TSPAN5: variants seen among roughly 807,000 people sequenced by gnomAD.
The protein encoded by TSPAN5 is tetraspanin-5.
TSPAN5 carries 10 observed loss-of-function variants against 37.1 expected under a neutral mutation model. The observed-to-expected ratio is 0.27, with a 90% CI of 0.17 to 0.46. The LOEUF (loss-of-function observed/expected upper bound fraction) is 0.46. TSPAN5 is among the 20% of genes least tolerant of loss of function. TSPAN5 has a pLI of 1.00. For synonymous variants in TSPAN5, 110 were observed against 118.9 expected (o/e 0.93, Z 0.48); for missense variants, 195 against 326.6 (o/e 0.60, Z 3.11).
chr4:98,658,289 C>A lies in TSPAN5; in HGVS notation c.-63G>T. On this transcript the variant is annotated 5_prime_UTR_variant, in exon 1 of 8. Transcript: ENST00000305798. ...AGTTTGGAGCTCCGAAGCACCGTTG[C>A]TCGGAGCAGCCCGGCGGGGAGCAGG... 7.3e-7 allele frequency: 1 copy of A among 1,361,366 alleles called. No homozygotes were observed. The highest frequency in any genetic ancestry group is 1.1e-6 in the Non-Finnish European group (1 of 949,826). 84.3% of individuals were successfully genotyped at this position (1,361,366 alleles called of 1,614,324 possible).
intron 2 of TSPAN5, among the ~76,000 whole-genome samples, chr4:98,500,759 C>A (rs968966166): frequency 2.4e-4 from 37 of 152,172 alleles, no homozygotes; most frequent in African/African-American, 8.4e-4. Flanking sequence ...GGCTTAGTCA[C>A]AAACAGCTTC....
intron 2 of TSPAN5, chr4:98,496,587 A>AGGTC (rs1032921276): frequency 6.6e-6 from 1 of 152,198 alleles, no homozygotes; most frequent in Admixed American, 6.5e-5. Flanking sequence ...GTCATCTTTT[A>AGGTC]GGTCTCCATA....
intron 2 of TSPAN5, among the ~76,000 whole-genome samples, chr4:98,504,412 C>T (rs1192201975): frequency 6.6e-6 from 1 of 151,432 alleles, no homozygotes; most frequent in African/African-American, 2.4e-5. Context: ...AGAGAGCAGT[C>T]TCTGCAGTTA....
At chr4:98,508,754 G>C (rs1753532939) in intron 1 of TSPAN5, among the ~76,000 whole-genome samples, 1 of 151,842 alleles carries the variant, frequency 6.6e-6, no homozygotes, top group Non-Finnish European at 1.5e-5. Context: ...CACACTACTG[G>C]GCTCAAGCAA....
chr4:98,520,754 C>T (rs1194238107), intron 1 of TSPAN5, among the ~76,000 whole-genome samples: 1 of 152,172 alleles, frequency 6.6e-6, no homozygotes, highest in Admixed American at 6.5e-5. Context: ...TAAAATACCA[C>T]CTTTTATCCA....
At chr4:98,489,199 G>A (rs1318838143) in intron 2 of TSPAN5, among the ~76,000 whole-genome samples, 1 of 152,166 alleles carries the variant, frequency 6.6e-6, no homozygotes, top group Non-Finnish European at 1.5e-5. Flanking sequence ...TTCTAATACT[G>A]AGAGACAGGA....
chr4:98,531,221 C>A (rs1434373331), intron 1 of TSPAN5, among the ~76,000 whole-genome samples: 1 of 152,118 alleles, frequency 6.6e-6, no homozygotes, highest in Admixed American at 6.5e-5. Context: ...CCCTCCCCTA[C>A]CCCCTACCCC....
At chr4:98,508,522 C>CTTTTTTTT (rs34342433) in intron 1 of TSPAN5, among the ~76,000 whole-genome samples, 12 of 121,900 alleles carry the variant, frequency 9.8e-5, no homozygotes, top group East Asian at 2.5e-4. Context: ...TACTGTTTTT[C>CTTTTTTTT]TTTTTTTTTT....
chr4:98,556,978 G>A (rs1430949754), intron 1 of TSPAN5, among the ~76,000 whole-genome samples: 1 of 152,084 alleles, frequency 6.6e-6, no homozygotes, highest in Non-Finnish European at 1.5e-5. Context: ...GAGCCAAGAA[G>A]CCAAATGACC....
chr4:98,571,019 A>G (rs571075594), intron 1 of TSPAN5, among the ~76,000 whole-genome samples: 1 of 152,178 alleles, frequency 6.6e-6, no homozygotes, highest in African/African-American at 2.4e-5. Flanking sequence ...CTCAAAAAAA[A>G]AAAGAAATCC....
At chr4:98,558,597 A>T (rs950803083) in intron 1 of TSPAN5, among the ~76,000 whole-genome samples, 1 of 152,232 alleles carries the variant, frequency 6.6e-6, no homozygotes, top group African/African-American at 2.4e-5. Flanking sequence ...TGATTAACAT[A>T]TGTAGAGTTC....
chr4:98,528,421 T>TA (rs1754010603), intron 1 of TSPAN5, among the ~76,000 whole-genome samples: 1 of 152,040 alleles, frequency 6.6e-6, no homozygotes, highest in Admixed American at 6.6e-5. Context: ...ATGATTTTTT[T>TA]TTTTTTTTTT....
At chr4:98,563,055 A>G (rs1754914812) in intron 1 of TSPAN5, among the ~76,000 whole-genome samples, 1 of 152,176 alleles carries the variant, frequency 6.6e-6, no homozygotes, top group South Asian at 2.1e-4. Flanking sequence ...CAAGCTGTGC[A>G]CTGCACAACT....
At chr4:98,504,874 A>G (rs545660031) in intron 2 of TSPAN5, among the ~76,000 whole-genome samples, 136 of 152,210 alleles carry the variant, frequency 8.9e-4, no homozygotes, top group African/African-American at 3.2e-3. Context: ...AAACTGGGTG[A>G]CTTAAACAAC....
At chr4:98,479,970 AC>A (rs917744142) in intron 4 of TSPAN5, among the ~76,000 whole-genome samples, 7 of 151,898 alleles carry the variant, frequency 4.6e-5, no homozygotes, top group Non-Finnish European at 1.0e-4. Context: ...TCACTAACCT[AC>A]CCCCACCCTC....
chr4:98,489,431 T>C (rs1232918317), intron 2 of TSPAN5, among the ~76,000 whole-genome samples: 1 of 152,154 alleles, frequency 6.6e-6, no homozygotes, highest in Non-Finnish European at 1.5e-5. Flanking sequence ...GATCGAGATA[T>C]AAACTCAGGC....
At chr4:98,612,756 C>A (rs1473389679) in intron 1 of TSPAN5, among the ~76,000 whole-genome samples, 1 of 152,200 alleles carries the variant, frequency 6.6e-6, no homozygotes, top group Non-Finnish European at 1.5e-5. Context: ...CTCTTCAAAC[C>A]CACCAAGCCC....
intron 1 of TSPAN5, among the ~76,000 whole-genome samples, chr4:98,637,920 G>C (rs1756890595): frequency 6.6e-6 from 1 of 152,136 alleles, no homozygotes; most frequent in Admixed American, 6.5e-5. Flanking sequence ...AGTGCTGAAA[G>C]GTGAAAAGAA....
intron 4 of TSPAN5, among the ~76,000 whole-genome samples, chr4:98,481,129 A>G (rs894904444): frequency 1.3e-5 from 2 of 152,154 alleles, no homozygotes; most frequent in African/African-American, 4.8e-5. Context: ...AGGTATATAA[A>G]GACCTGCAAG....
Sources: gnomAD v4.1 joint callset for allele counts (sites outside exome capture counted in the v4.1 genomes callset) on GRCh38, gnomAD v4.1.1 for gene constraint, MANE v1.5 for transcripts, NCBI Gene and HGNC (gene_info 2026-07-23, HGNC 2026-07-21) for gene names.